Variants in ANKS6 observed in about 807,000 individuals in gnomAD.
The protein encoded by ANKS6 is ankyrin repeat and SAM domain-containing protein 6.
A neutral mutation model predicts 77.9 loss-of-function variants in ANKS6; 47 were observed. The observed-to-expected ratio is 0.60, with a 90% CI of 0.48 to 0.77. The LOEUF (loss-of-function observed/expected upper bound fraction) is 0.77, where lower values mean the gene tolerates loss of function less well. ANKS6 is among the 30% of genes least tolerant of loss of function. ANKS6 has a pLI of 0.00. For missense variants in ANKS6, 1,150 were observed against 1,159.1 expected, an observed-to-expected ratio of 0.99 and a Z score of 0.11; for synonymous variants, 488 against 501.7, an observed-to-expected ratio of 0.97 and a Z score of 0.37.
intron 14 of ANKS6, among the ~76,000 whole-genome samples, chr9:98,745,227 C>A (rs1832056116): frequency 6.6e-6 from 1 of 152,138 alleles, no homozygotes; most frequent in African/African-American, 2.4e-5. Flanking sequence ...TTTGCCTCAC[C>A]CCACACAGTG....
At chr9:98,752,193 C>A (rs963044833) in intron 12 of ANKS6, among the ~76,000 whole-genome samples, 2 of 152,192 alleles carry the variant, frequency 1.3e-5, no homozygotes, top group African/African-American at 4.8e-5. Flanking sequence ...GTTTTACAAA[C>A]GCTGTTTTAC....
Position 98,732,755 on chromosome 9 carries a change from C to T in ANKS6, c.*3764G>A. The T allele has an allele frequency of 1.4e-6, 2 of 1,421,374 alleles. No individual in the cohort carries two copies. The highest frequency in any genetic ancestry group is 1.5e-5 in the South Asian group (1 of 66,684). 88.0% of individuals were successfully genotyped at this position (1,421,374 alleles called of 1,614,324 possible). Reference sequence around the variant, plus strand: ...ACTCAAAGGGAAGAAGAAACGTGCTCAACATCACGCAGCACTAGGTCTATG... The same window carrying T: ...ACTCAAAGGGAAGAAGAAACGTGCTTAACATCACGCAGCACTAGGTCTATG... On this transcript the variant is annotated 3_prime_UTR_variant, in exon 15 of 15. Coordinates refer to ENST00000353234, the MANE Select transcript of ANKS6 (RefSeq NM_173551.5).
chr9:98,757,146 C>T (rs75963983), intron 11 of ANKS6, among the ~76,000 whole-genome samples: 33 of 152,164 alleles, frequency 2.2e-4, no homozygotes, highest in Non-Finnish European at 4.4e-4. Context: ...TTCCCACATA[C>T]CCCTCACACA....
At chr9:98,740,271 C>A (rs1479005721) in intron 14 of ANKS6, among the ~76,000 whole-genome samples, 1 of 152,128 alleles carries the variant, frequency 6.6e-6, no homozygotes, top group African/African-American at 2.4e-5. Context: ...GTAAGATTCT[C>A]CCTTCATCCC....
intron 12 of ANKS6, among the ~76,000 whole-genome samples, chr9:98,755,781 G>A (rs976883066): frequency 5.3e-5 from 8 of 152,218 alleles, no homozygotes; most frequent in African/African-American, 1.9e-4. Flanking sequence ...CACAGAGATA[G>A]TCAAGGGAGG....
chr9:98,789,952 C>T (rs926296549), intron 2 of ANKS6, 152 bp downstream of exon 2: 57 of 1,195,736 alleles, frequency 4.8e-5, no homozygotes, highest in African/African-American at 2.7e-4. Flanking sequence ...GCAATCCCCC[C>T]GATACTTAAG....
chr9:98,764,131 C>T (rs368219909), intron 11 of ANKS6, among the ~76,000 whole-genome samples: 3 of 152,238 alleles, frequency 2.0e-5, no homozygotes, highest in East Asian at 1.9e-4. Flanking sequence ...TATGAGCCAA[C>T]GTGACAGTTT....
At chr9:98,748,148 A>G (rs1011815829) in intron 13 of ANKS6, among the ~76,000 whole-genome samples, 1 of 152,356 alleles carries the variant, frequency 6.6e-6, no homozygotes, top group African/African-American at 2.4e-5. Flanking sequence ...TGGCAGGGGC[A>G]GGGTCTCAAG....
At chr9:98,768,691 T>C (rs1411953555) in intron 10 of ANKS6, among the ~76,000 whole-genome samples, 2 of 152,132 alleles carry the variant, frequency 1.3e-5, no homozygotes, top group Admixed American at 6.5e-5. Context: ...CCTTTGACTC[T>C]CCCTTTATGT....
At chr9:98,795,761 G>C (rs778399268) in intron 1 of ANKS6, among the ~76,000 whole-genome samples, 1 of 152,122 alleles carries the variant, frequency 6.6e-6, no homozygotes, top group Non-Finnish European at 1.5e-5. Flanking sequence ...CCAATGCCCT[G>C]GGTGGGGACT....
At chr9:98,753,703 T>G (rs558304422) in intron 12 of ANKS6, among the ~76,000 whole-genome samples, 1 of 151,788 alleles carries the variant, frequency 6.6e-6, no homozygotes, top group South Asian at 2.1e-4. Context: ...AATTTCAACC[T>G]ACCAATCTAA....
chr9:98,744,843 G>A (rs1314161750), intron 14 of ANKS6, among the ~76,000 whole-genome samples: 1 of 151,806 alleles, frequency 6.6e-6, no homozygotes, highest in Non-Finnish European at 1.5e-5. Flanking sequence ...CAGGTAAACA[G>A]GTACTGCGCA....
chr9:98,779,639 T>G (rs1211372726), intron 6 of ANKS6, among the ~76,000 whole-genome samples: 1 of 152,036 alleles, frequency 6.6e-6, no homozygotes, highest in Non-Finnish European at 1.5e-5. Context: ...CTCAGCTCAC[T>G]GCAACCACAG....
rs147866090 is a variant in ANKS6 at position 98,756,289 on chromosome 9, A to G, written c.2326+131T>C. ...GGTACAATCAGAGAAGAGGAGGGAC[A>G]TGTTTGTCGTAAATCTTCTTAAAAC... is the stretch of plus-strand genomic sequence containing the variant. On this transcript the variant is annotated intron_variant, in intron 12 of 14. Coordinates refer to ENST00000353234, the MANE Select transcript of ANKS6 (RefSeq NM_173551.5). 7.6e-4 allele frequency: 721 copies of G among 946,304 alleles called. 3 individuals carry two copies. The African/African-American group carries it at 0.011, about 15-fold the overall frequency. The allele number at this position is 946,304 out of a possible 1,614,324, so 58.6% of individuals were successfully genotyped here. A position where few individuals can be genotyped will look rare whatever the true frequency, so the allele number is the denominator to read the frequency against.
intron 12 of ANKS6, among the ~76,000 whole-genome samples, chr9:98,751,464 G>T (rs976275103): frequency 9.2e-5 from 14 of 152,234 alleles, no homozygotes; most frequent in African/African-American, 3.4e-4. Flanking sequence ...AAATGCCAAT[G>T]CCTGCAGTAA....
rs1831437675 is a variant in ANKS6 at position 98,735,301 on chromosome 9, C to T, written c.*1218G>A. On this transcript the variant is annotated 3_prime_UTR_variant, in exon 15 of 15. Coordinates refer to ENST00000353234, the MANE Select transcript of ANKS6 (RefSeq NM_173551.5). The stretch of plus-strand genomic sequence containing the variant: ...CCATCTATTTACAGGTGTTCTCTTG[C>T]CTGTCGAGAGCCTGAAGGCTCTGTA... The T allele has an allele frequency of 1.0e-6, 1 of 1,000,456 alleles. No individual in the cohort carries two copies. The highest frequency in any genetic ancestry group is 4.7e-5 in the South Asian group (1 of 21,422). The allele number at this position is 1,000,456 out of a possible 1,614,324, so 62.0% of individuals were successfully genotyped here. A position where few individuals can be genotyped will look rare whatever the true frequency, so the allele number is the denominator to read the frequency against.
intron 2 of ANKS6, 144 bp downstream of exon 2, chr9:98,789,960 A>C: frequency 8.0e-7 from 1 of 1,244,300 alleles, no homozygotes; most frequent in Non-Finnish European, 1.1e-6. Context: ...CCCGATACTT[A>C]AGCACACCAC....
Position 98,773,995 on chromosome 9 carries a change from T to C in ANKS6, c.1703A>G (p.Glu568Gly). 7.0e-7 allele frequency: 1 copy of C among 1,438,370 alleles called. No homozygotes were observed. The highest frequency in any genetic ancestry group is 9.3e-7 in the Non-Finnish European group (1 of 1,072,562). The allele number at this position is 1,438,370 out of a possible 1,614,324, so 89.1% of individuals were successfully genotyped here. The change falls in exon 9 of 15, where the codon GAG becomes GGG. Residue 568 changes from glutamate (E) to glycine (G), a missense_variant. By Grantham distance (98) the Glu-to-Gly change is moderately conservative (BLOSUM62 -2). Transcript: ENST00000353234. ...IPPFLPPSSFELWSSDRSRTR... is the reference protein window; with the variant it reads ...IPPFLPPSSFGLWSSDRSRTR... ...CCGGGACCGATCAGAGCTCCACAGC[T>C]CAAAACTGGAAGGGGGTAGGAATGG...
chr9:98,769,267 T>C (rs1833497052), intron 10 of ANKS6, among the ~76,000 whole-genome samples: 1 of 152,188 alleles, frequency 6.6e-6, no homozygotes, highest in African/African-American at 2.4e-5. Flanking sequence ...GTATTTCACA[T>C]GTTTAAACAG....
Sources: gnomAD v4.1 joint callset for allele counts (sites outside exome capture counted in the v4.1 genomes callset) on GRCh38, gnomAD v4.1.1 for gene constraint, MANE v1.5 for transcripts, NCBI Gene and HGNC (gene_info 2026-07-23, HGNC 2026-07-21) for gene names.